Variants in ATRNL1 observed in about 807,000 individuals in gnomAD.
ATRNL1 encodes the protein attractin like 1.
Under a neutral mutation model 182.7 loss-of-function variants are expected in ATRNL1, and 95 were observed. The ratio of observed to expected loss-of-function variants is 0.52; its 90% confidence interval spans 0.44 to 0.62. ATRNL1 has a LOEUF of 0.62. ATRNL1 is among the 20% of genes least tolerant of loss of function. The pLI is 0.00. For synonymous variants in ATRNL1, 576 were observed against 568.3 expected, an observed-to-expected ratio of 1.01 and a Z score of -0.19; for missense variants, 1,471 against 1,679.5, an observed-to-expected ratio of 0.88 and a Z score of 2.17.
chr10:115,116,826 T>C (rs2143586413), intron 1 of ATRNL1, among the ~76,000 whole-genome samples: 1 of 152,130 alleles, frequency 6.6e-6, no homozygotes, highest in Non-Finnish European at 1.5e-5. Context: ...CTTGGTAAGA[T>C]CTTTAGTGCT....
chr10:115,941,038 G>A (rs949721607), intron 28 of ATRNL1, among the ~76,000 whole-genome samples: 6 of 152,256 alleles, frequency 3.9e-5, no homozygotes, highest in Non-Finnish European at 7.4e-5. Context: ...AACATTGTTT[G>A]GCCCATCAAA....
intron 21 of ATRNL1, among the ~76,000 whole-genome samples, chr10:115,427,951 CA>C (rs1845979638): frequency 6.7e-6 from 1 of 149,634 alleles, no homozygotes; most frequent in Non-Finnish European, 1.5e-5. Context: ...TTTCAATTTT[CA>C]AAAAAATTGC....
intron 18 of ATRNL1, among the ~76,000 whole-genome samples, chr10:115,331,890 C>G (rs1290371998): frequency 7.2e-5 from 11 of 152,030 alleles, no homozygotes; most frequent in Non-Finnish European, 1.2e-4. Context: ...AGGGTCAGAC[C>G]CTCACATATG....
chr10:115,389,786 T>C (rs2134263899), intron 19 of ATRNL1, among the ~76,000 whole-genome samples: 1 of 151,824 alleles, frequency 6.6e-6, no homozygotes, highest in Admixed American at 6.6e-5. Flanking sequence ...ACTCTTTTCA[T>C]AATGACTATT....
intron 26 of ATRNL1, among the ~76,000 whole-genome samples, chr10:115,640,799 G>T (rs1396976908): frequency 2.0e-5 from 3 of 152,008 alleles, no homozygotes; most frequent in Non-Finnish European, 4.4e-5. Flanking sequence ...GTCAATTTTG[G>T]CTTTTGTTGC....
At chr10:115,317,938 T>C (rs76172969) in intron 18 of ATRNL1, among the ~76,000 whole-genome samples, 1 of 152,126 alleles carries the variant, frequency 6.6e-6, no homozygotes, top group Non-Finnish European at 1.5e-5. Context: ...CCATGTTGGA[T>C]AGGAGTGGTG....
chr10:115,840,705 G>A (rs1321826756), intron 27 of ATRNL1, among the ~76,000 whole-genome samples: 1 of 152,086 alleles, frequency 6.6e-6, no homozygotes, highest in African/African-American at 2.4e-5. Context: ...TTACTCAGAA[G>A]TATTGAAAGA....
intron 25 of ATRNL1, among the ~76,000 whole-genome samples, chr10:115,540,883 A>T (rs1203283018): frequency 6.6e-6 from 1 of 152,152 alleles, no homozygotes; most frequent in African/African-American, 2.4e-5. Flanking sequence ...CAGGTACTAG[A>T]TCTATTACCT....
intron 25 of ATRNL1, 53 bp from the exon 26 acceptor site, chr10:115,549,403 CAT>C: frequency 7.5e-7 from 1 of 1,337,936 alleles, no homozygotes; most frequent in Non-Finnish European, 1.0e-6. Context: ...ACTGTTTTTT[CAT>C]TACATAGTTC....
intron 26 of ATRNL1, among the ~76,000 whole-genome samples, chr10:115,647,097 A>G (rs1288015318): frequency 1.3e-5 from 2 of 151,840 alleles, no homozygotes; most frequent in African/African-American, 2.4e-5. Flanking sequence ...TGATGATTTC[A>G]GCTTCATCCA....
chr10:115,706,663 C>G (rs1263598647), intron 26 of ATRNL1, among the ~76,000 whole-genome samples: 1 of 151,892 alleles, frequency 6.6e-6, no homozygotes, highest in East Asian at 1.9e-4. Context: ...ACTTGTATCA[C>G]ACTGACCACC....
chr10:115,270,297 A>T (rs935893213), intron 13 of ATRNL1, among the ~76,000 whole-genome samples: 3 of 145,340 alleles, frequency 2.1e-5, no homozygotes, highest in Non-Finnish European at 4.5e-5. Flanking sequence ...ATTTGTTTAT[A>T]TATTTGTTTA....
At chr10:115,636,840 T>C (rs1858906667) in intron 26 of ATRNL1, among the ~76,000 whole-genome samples, 1 of 152,150 alleles carries the variant, frequency 6.6e-6, no homozygotes, top group East Asian at 1.9e-4. Context: ...AATCAAATCA[T>C]AGCATATCCA....
At chr10:115,404,527 C>G (rs1259387155) in intron 20 of ATRNL1, among the ~76,000 whole-genome samples, 1 of 152,182 alleles carries the variant, frequency 6.6e-6, no homozygotes, top group Admixed American at 6.5e-5. Context: ...TTCTCCAAAT[C>G]CATTCCACAC....
chr10:115,094,501 T>A (rs2084963729), intron 1 of ATRNL1, among the ~76,000 whole-genome samples: 1 of 152,230 alleles, frequency 6.6e-6, no homozygotes, highest in African/African-American at 2.4e-5. Context: ...TTCCCCATTC[T>A]CTTCTCTCTA....
In ATRNL1 at chr10:115,901,850, C is replaced by T. The variant is rs1952363688; in HGVS notation, c.4019-42808C>T. Among the ~76,000 whole-genome samples the T allele has an allele frequency of 2.6e-5, 4 of 151,702 alleles. No homozygotes were observed. The South Asian group carries it at 8.3e-4, about 32-fold the overall frequency. On this transcript the variant is annotated intron_variant, in intron 28 of 28. Transcript: ENST00000355044. ...TTTTTTGACTCGGTAATCATGATAG[C>T]GAGCAAATGCCCTCTATCCCCTCAG...
Position 115,346,981 on chromosome 10 carries a change from G to C in ATRNL1, c.3175+12562G>C, listed in dbSNP as rs561474968. The stretch of plus-strand genomic sequence containing the variant: ...CAATGATTATTTTTTTGCCAACATA[G>C]GTAAAAGTAATATATGAATGGCTCT... On this transcript the variant is annotated intron_variant, in intron 19 of 28. Coordinates refer to ENST00000355044, the MANE Select transcript of ATRNL1 (RefSeq NM_207303.4). Among the ~76,000 whole-genome samples, 16 of 152,020 alleles carry C rather than the reference G, an allele frequency of 1.1e-4. No individual in the cohort carries two copies. In the South Asian group the frequency reaches 3.3e-3, roughly 32 times the overall value.
chr10:115,129,374 C>G lies in ATRNL1; in HGVS notation c.668C>G (p.Thr223Ser). The change falls in exon 5 of 29, where the codon ACT becomes AGT. Residue 223 changes from threonine (T) to serine (S), a missense_variant. This residue lies in a region of ATRNL1 where 1,031 missense variants were observed against 1,156.0 expected (regional missense o/e 0.89). Transcript: ENST00000355044. ...TGCTCTGGTCATGGGAAGTGTACAA[C>G]TAGTGTCTCTGTTCCAAGTCAAGTA... ...NNCSGHGKCT[T>S]SVSVPSQVYC... 6.2e-7 allele frequency: 1 copy of G among 1,613,776 alleles called. No individual in the cohort carries two copies. Among genetic ancestry groups the G allele is most frequent in the Non-Finnish European group, 8.5e-7 (1 of 1,179,716 alleles).
At chr10:115,320,333 C>T (rs1554931024) in intron 18 of ATRNL1, among the ~76,000 whole-genome samples, 1 of 151,978 alleles carries the variant, frequency 6.6e-6, no homozygotes, top group Non-Finnish European at 1.5e-5. Flanking sequence ...ACATTTTTGC[C>T]TTCATTTCGC....
Sources: allele counts gnomAD v4.1 joint callset (sites outside exome capture counted in the v4.1 genomes callset), GRCh38; gene constraint gnomAD v4.1.1; regional missense constraint gnomAD v4.1.1; transcripts MANE v1.5; gene names NCBI Gene and HGNC (gene_info 2026-07-23, HGNC 2026-07-21).